The following NUB1 variants were observed in gnomAD, a reference collection of about 807,000 sequenced individuals.
NUB1 encodes the protein NEDD8 ultimate buster 1.
NUB1 carries 41 observed loss-of-function variants against 77.1 expected under a neutral mutation model. That is an observed-to-expected ratio of 0.53 (90% CI 0.41 to 0.69). NUB1 has a LOEUF of 0.69. Ranked by LOEUF, NUB1 falls within the 30% of genes least tolerant of loss-of-function variation. The probability of loss-of-function intolerance (pLI) is 0.00; values close to 1 mark genes in which losing one functional copy is unlikely to be tolerated. For missense variants in NUB1, 643 were observed against 743.8 expected, an observed-to-expected ratio of 0.86 and a Z score of 1.58; for synonymous variants, 257 against 281.0, an observed-to-expected ratio of 0.91 and a Z score of 0.85.
At chr7:151,373,452 C>T (rs916202047) in intron 11 of NUB1, among the ~76,000 whole-genome samples, 1 of 152,142 alleles carries the variant, frequency 6.6e-6, no homozygotes, top group Non-Finnish European at 1.5e-5. Flanking sequence ...AGCCGTCCTG[C>T]GCTCCTGCAG....
chr7:151,376,708 C>T lies in NUB1; in HGVS notation c.1566C>T (p.Ala522=), dbSNP rs185541608. The T allele has an allele frequency of 4.4e-5, 71 of 1,608,876 alleles. No individual in the cohort carries two copies. Among genetic ancestry groups the T allele is most frequent in the Middle Eastern group, 1.7e-4 (1 of 6,046 alleles). ...LRVFRGNVQL[A]AQTLAHNGGS... ...TGTTCAGAGGCAACGTCCAGCTGGC[C>T]GCCCAGACCCTTGCTCACAACGGAG... Residue 522 remains alanine (A), a synonymous_variant, in exon 14 of 15, where the codon GCC becomes GCT. Coordinates refer to ENST00000568733, the MANE Select transcript of NUB1 (RefSeq NM_001243351.2).
intron 5 of NUB1, among the ~76,000 whole-genome samples, chr7:151,354,535 C>T (rs935336389): frequency 6.6e-6 from 1 of 152,052 alleles, no homozygotes; most frequent in African/African-American, 2.4e-5. Flanking sequence ...TGTTTATTTG[C>T]ATCTTTGACA....
intron 7 of NUB1, among the ~76,000 whole-genome samples, chr7:151,358,674 C>T (rs2150684448): frequency 1.3e-5 from 2 of 152,276 alleles, no homozygotes; most frequent in Middle Eastern, 6.8e-3. Flanking sequence ...GTCCCTAGTG[C>T]CAAAAGGTTG....
chr7:151,368,607 G>T (rs1040371694), intron 10 of NUB1, 128 bp from the exon 11 acceptor site: 2 of 1,103,550 alleles, frequency 1.8e-6, no homozygotes, highest in South Asian at 1.7e-5. Context: ...CTAGTTTAGA[G>T]ATTTTATCCA....
chr7:151,349,802 G>T (rs1796698251), intron 3 of NUB1, among the ~76,000 whole-genome samples: 1 of 152,234 alleles, frequency 6.6e-6, no homozygotes, highest in African/African-American at 2.4e-5. Context: ...TGGGTCTGTG[G>T]TTTTTCTCCT....
intron 7 of NUB1, among the ~76,000 whole-genome samples, chr7:151,359,012 C>T (rs1797225948): frequency 6.6e-6 from 1 of 151,074 alleles, no homozygotes; most frequent in African/African-American, 2.4e-5. Flanking sequence ...TTGCAGTGAG[C>T]CGAGATCGCG....
intron 7 of NUB1, among the ~76,000 whole-genome samples, chr7:151,359,550 G>A (rs990755599): frequency 4.6e-5 from 7 of 152,252 alleles, no homozygotes; most frequent in African/African-American, 1.2e-4. Flanking sequence ...AGGCCAAGGC[G>A]GCACATCACC....
In NUB1 at chr7:151,343,919, G is replaced by C. The variant is rs528164303; in HGVS notation, c.-2-1429G>C. 2.5e-4 allele frequency among the ~76,000 whole-genome samples: 38 copies of C among 152,020 alleles called. 1 individual carries two copies. Among genetic ancestry groups the C allele is most frequent in the Admixed American group, 2.1e-3 (32 of 15,272 alleles). ...TAGTAGGGCCAGGCGCGGTGGCTCA[G>C]GCCTGTAATCCCAGCACTTTGGGAG... On this transcript the variant is annotated intron_variant, in intron 1 of 14. Coordinates refer to ENST00000568733, the MANE Select transcript of NUB1 (RefSeq NM_001243351.2).
intron 7 of NUB1, among the ~76,000 whole-genome samples, chr7:151,359,527 C>T (rs148610977): frequency 0.027 from 4,057 of 152,218 alleles, 79 homozygotes; most frequent in Middle Eastern, 0.068. Context: ...GCCTGTAATC[C>T]CAGCATTTTG....
At chr7:151,348,978 T>G in intron 2 of NUB1, 95 bp from the exon 3 acceptor site, 1 of 1,122,198 alleles carries the variant, frequency 8.9e-7, no homozygotes, top group Non-Finnish European at 1.3e-6. Context: ...CCTCCACTCA[T>G]CAGAGTTGAT....
At chr7:151,350,978 G>C (rs1387024983) in intron 3 of NUB1, 1 of 172,694 alleles carries the variant, frequency 5.8e-6, no homozygotes, top group Admixed American at 6.3e-5. Context: ...ATGATGCTCA[G>C]GGAAGAAGCC....
intron 12 of NUB1, among the ~76,000 whole-genome samples, chr7:151,374,780 A>G (rs1463959030): frequency 6.6e-6 from 1 of 152,156 alleles, no homozygotes; most frequent in Non-Finnish European, 1.5e-5. Flanking sequence ...TCGAATCCTC[A>G]GTAGGGCAGG....
intron 7 of NUB1, among the ~76,000 whole-genome samples, chr7:151,357,376 G>A (rs541661123): frequency 3.9e-5 from 6 of 151,946 alleles, no homozygotes; most frequent in East Asian, 1.9e-4. Context: ...CGCCCGCCTC[G>A]GCCTCCCGAA....
At chr7:151,365,588 A>G (rs1376636118) in intron 8 of NUB1, among the ~76,000 whole-genome samples, 1 of 152,132 alleles carries the variant, frequency 6.6e-6, no homozygotes, top group African/African-American at 2.4e-5. Context: ...CGACTGTGAG[A>G]TCAGACCACA....
At position 151,360,246 on chromosome 7, in the gene NUB1, T is replaced by C. The variant is rs1246438791; in HGVS notation, c.799T>C (p.Cys267Arg). The part of the protein sequence containing the change: ...PCLLDADKYF[C>R]ECCRELLDTV... Reference sequence around the variant, plus strand: ...TCTGTTGGACGCTGACAAATATTTCTGGTAGGCGCTTTTGTACTTGGTGAA... The same window carrying C: ...TCTGTTGGACGCTGACAAATATTTCCGGTAGGCGCTTTTGTACTTGGTGAA... The change falls in exon 8 of 15, where the codon TGT becomes CGT. Residue 267 changes from cysteine to arginine, a missense_variant and splice_region_variant. Physicochemically the swap from Cys to Arg is radical, Grantham distance 180. Coordinates refer to ENST00000568733, the MANE Select transcript of NUB1 (RefSeq NM_001243351.2). 1 of 1,564,920 alleles carries C rather than the reference T, an allele frequency of 6.4e-7. No homozygotes were observed.
At position 151,369,149 on chromosome 7, in the gene NUB1, A is replaced by G. The variant is rs1486409265; in HGVS notation, c.1248+262A>G. 1.5e-5 allele frequency: 4 copies of G among 263,596 alleles called. No individual in the cohort carries two copies. The South Asian group carries it at 1.9e-4, about 13-fold the overall frequency. 16.3% of individuals were successfully genotyped at this position (263,596 alleles called of 1,614,324 possible). A position where few individuals can be genotyped will look rare whatever the true frequency, so the allele number is the denominator to read the frequency against. On this transcript the variant is annotated intron_variant, in intron 11 of 14. Coordinates refer to ENST00000568733, the MANE Select transcript of NUB1 (RefSeq NM_001243351.2). ...CAGCCTCCTGAGTAGCTGGGATTACAGGTGTGTGCCACCACACCTGGCTAA... is the reference window on the plus strand; with the variant it reads ...CAGCCTCCTGAGTAGCTGGGATTACGGGTGTGTGCCACCACACCTGGCTAA...
At chr7:151,344,371 T>G (rs1333973832) in intron 1 of NUB1, among the ~76,000 whole-genome samples, 1 of 150,992 alleles carries the variant, frequency 6.6e-6, no homozygotes, top group Non-Finnish European at 1.5e-5. Flanking sequence ...AGTGCAGTGG[T>G]GCCATCTCGG....
At chr7:151,349,496 G>A (rs570011200) in intron 3 of NUB1, among the ~76,000 whole-genome samples, 6 of 152,176 alleles carry the variant, frequency 3.9e-5, no homozygotes, top group South Asian at 2.1e-4. Flanking sequence ...CCTTTCTAGC[G>A]TGTGAACGTT....
At position 151,351,498 on chromosome 7, in the gene NUB1, C is replaced by A; in HGVS notation, c.344+16C>A. 6.2e-7 allele frequency: 1 copy of A among 1,601,708 alleles called. No individual in the cohort carries two copies. Among genetic ancestry groups the A allele is most frequent in the Non-Finnish European group, 8.5e-7 (1 of 1,169,988 alleles). On this transcript the variant is annotated intron_variant, in intron 4 of 14. Coordinates refer to ENST00000568733, the MANE Select transcript of NUB1 (RefSeq NM_001243351.2). ...TGAGGTCCAAGTAAGTATCTGTGTG[C>A]TCTGTGTCCTAGGTGCTCTGGGCCT...
Sources: gnomAD v4.1 joint callset for allele counts (sites outside exome capture counted in the v4.1 genomes callset) on GRCh38, gnomAD v4.1.1 for gene constraint, MANE v1.5 for transcripts, NCBI Gene and HGNC (gene_info 2026-07-23, HGNC 2026-07-21) for gene names.